The following SLC8A1 variants were observed in gnomAD, a reference collection of about 807,000 sequenced individuals.
SLC8A1 encodes solute carrier family 8 member A1.
A neutral mutation model predicts 68.3 loss-of-function variants in SLC8A1; 18 were observed. That is an observed-to-expected ratio of 0.26 (90% confidence interval 0.18 to 0.39). SLC8A1 has a LOEUF of 0.39. SLC8A1 is among the 10% of genes least tolerant of loss of function. The probability of loss-of-function intolerance (pLI) is 1.00; values close to 1 mark genes in which losing one functional copy is unlikely to be tolerated. For missense variants in SLC8A1, 985 were observed against 1,156.7 expected (o/e 0.85, Z 2.15); for synonymous variants, 475 against 415.5 (o/e 1.14, Z -1.74).
intron 2 of SLC8A1, among the ~76,000 whole-genome samples, chr2:40,377,041 C>T (rs542596736): frequency 4.6e-5 from 7 of 152,144 alleles, no homozygotes; most frequent in African/African-American, 1.7e-4. Flanking sequence ...GATGTCACTC[C>T]TAAGACTGGG....
chr2:40,413,810 C>A (rs1692964236), intron 2 of SLC8A1, among the ~76,000 whole-genome samples: 1 of 151,974 alleles, frequency 6.6e-6, no homozygotes, highest in Non-Finnish European at 1.5e-5. Context: ...TTTACTAATC[C>A]TTGGATAAAT....
intron 2 of SLC8A1, among the ~76,000 whole-genome samples, chr2:40,237,920 G>A (rs2060625736): frequency 8.0e-6 from 1 of 124,612 alleles, no homozygotes; most frequent in South Asian, 2.5e-4. Context: ...GCTGCTCGGG[G>A]GTCAGGGGTC....
intron 1 of SLC8A1, among the ~76,000 whole-genome samples, chr2:40,445,966 A>G (rs955995231): frequency 6.6e-6 from 1 of 152,130 alleles, no homozygotes; most frequent in African/African-American, 2.4e-5. Context: ...CATTCTCTCA[A>G]CCTGCTACCA....
At chr2:40,454,616 C>T (rs1375185300), upstream of SLC8A1, among the ~76,000 whole-genome samples, 3 of 150,936 alleles carry the variant, frequency 2.0e-5, no homozygotes, top group African/African-American at 7.3e-5. Flanking sequence ...ATTAAATGGT[C>T]TTCTGTTTAT....
intron 2 of SLC8A1, among the ~76,000 whole-genome samples, chr2:40,237,727 T>G (rs1195309455): frequency 6.6e-5 from 10 of 152,036 alleles, no homozygotes; most frequent in Admixed American, 2.0e-4. Context: ...TTTCCCCATC[T>G]TTGTGGTTTT....
intron 1 of SLC8A1, among the ~76,000 whole-genome samples, chr2:40,471,046 T>G (rs1161091579): frequency 5.3e-5 from 8 of 152,222 alleles, no homozygotes; most frequent in Non-Finnish European, 1.0e-4. Context: ...CTGCTTTTTA[T>G]CATCTGTGAA....
intron 2 of SLC8A1, among the ~76,000 whole-genome samples, chr2:40,216,636 C>G (rs542007448): frequency 4.6e-5 from 7 of 152,292 alleles, no homozygotes; most frequent in African/African-American, 1.7e-4. Flanking sequence ...AAATGCATTC[C>G]TATTTCTCCA....
chr2:40,337,425 C>G (rs988458711), intron 2 of SLC8A1: 5 of 263,070 alleles, frequency 1.9e-5, no homozygotes, highest in Admixed American at 3.7e-5. Flanking sequence ...AAGAAAGTAC[C>G]TGATTCTACA....
intron 2 of SLC8A1, among the ~76,000 whole-genome samples, chr2:40,416,513 T>A (rs901930881): frequency 6.6e-6 from 1 of 152,224 alleles, no homozygotes. Context: ...TATTCAGTGT[T>A]ATGTCATTTT....
rs942760091 is a variant in SLC8A1, at chr2:40,362,308, T to C, written c.1808+66165A>G. On this transcript the variant is annotated intron_variant, in intron 2 of 7. Transcript: ENST00000406785. ...AAAAAGAAAAAAAAACTTAGATAGA[T>C]AGATTCCAGGGACACAAAACCAGTG... Among the ~76,000 whole-genome samples the C allele has an allele frequency of 9.2e-5, 14 of 152,096 alleles. No individual in the cohort carries two copies. In the South Asian group the frequency reaches 1.2e-3, roughly 14 times the overall value.
chr2:40,385,852 T>C (rs1683383914), intron 2 of SLC8A1, among the ~76,000 whole-genome samples: 1 of 151,188 alleles, frequency 6.6e-6, no homozygotes, highest in Non-Finnish European at 1.5e-5. Context: ...TTATAAAATG[T>C]CCAAATAAAA....
At chr2:40,167,500 C>A (rs2046748059) in intron 4 of SLC8A1, among the ~76,000 whole-genome samples, 1 of 152,104 alleles carries the variant, frequency 6.6e-6, no homozygotes, top group South Asian at 2.1e-4. Flanking sequence ...AGTTGGTATG[C>A]AACCAAAGCA....
intron 2 of SLC8A1, among the ~76,000 whole-genome samples, chr2:40,186,014 G>A (rs2050636679): frequency 6.6e-6 from 1 of 152,250 alleles, no homozygotes. Flanking sequence ...AATGCTGGTT[G>A]CCCCCTCCAG....
upstream of SLC8A1, among the ~76,000 whole-genome samples, chr2:40,453,924 A>G (rs1261142871): frequency 2.0e-5 from 3 of 152,174 alleles, no homozygotes; most frequent in Non-Finnish European, 2.9e-5. Flanking sequence ...GTCTTATAAA[A>G]TTTGCAGGAA....
intron 2 of SLC8A1, among the ~76,000 whole-genome samples, chr2:40,407,967 A>C (rs1384881308): frequency 6.6e-6 from 1 of 152,184 alleles, no homozygotes; most frequent in Non-Finnish European, 1.5e-5. Flanking sequence ...TCACTCACAA[A>C]TGCAGGGACA....
intron 2 of SLC8A1, among the ~76,000 whole-genome samples, chr2:40,393,434 G>A (rs1046273598): frequency 6.6e-6 from 1 of 152,026 alleles, no homozygotes; most frequent in Non-Finnish European, 1.5e-5. Flanking sequence ...CAGGTTCAAG[G>A]GTGGAATTGC....
intron 2 of SLC8A1, among the ~76,000 whole-genome samples, chr2:40,180,890 C>A (rs2049395071): frequency 6.6e-6 from 1 of 152,076 alleles, no homozygotes; most frequent in Non-Finnish European, 1.5e-5. Context: ...AAATAAATCA[C>A]CAAACAACAT....
At chr2:40,497,947 C>A (rs1220811186) in intron 1 of SLC8A1, among the ~76,000 whole-genome samples, 3 of 152,000 alleles carry the variant, frequency 2.0e-5, no homozygotes, top group African/African-American at 4.8e-5. Context: ...TCTTAGCATG[C>A]TATTGCAATA....
chr2:40,114,393 T>C (rs1451222856), exon 8 of SLC8A1: 1 of 152,808 alleles, frequency 6.5e-6, no homozygotes, highest in Non-Finnish European at 1.5e-5. Context: ...GCATAGGGGA[T>C]GGCAGGTGGA....
Sources: gnomAD v4.1 joint callset for allele counts (sites outside exome capture counted in the v4.1 genomes callset) on GRCh38, gnomAD v4.1.1 for gene constraint, MANE v1.5 for transcripts, NCBI Gene and HGNC (gene_info 2026-07-23, HGNC 2026-07-21) for gene names.